Variants in PARD3B observed in about 807,000 individuals in gnomAD.
The protein encoded by PARD3B is par-3 family cell polarity regulator beta, also known as partitioning defective 3 homolog B.
Under a neutral mutation model 130.2 loss-of-function variants are expected in PARD3B, and 103 were observed. The ratio of observed to expected loss-of-function variants is 0.79; its 90% CI spans 0.67 to 0.93. PARD3B has a LOEUF of 0.93. Ranked by LOEUF, PARD3B falls within the 40% of genes least tolerant of loss-of-function variation. The pLI is 0.00. For missense variants in PARD3B, 1,609 were observed against 1,499.2 expected, an observed-to-expected ratio of 1.07 and a Z score of -1.21; for synonymous variants, 583 against 553.2, an observed-to-expected ratio of 1.05 and a Z score of -0.76.
intron 5 of PARD3B, among the ~76,000 whole-genome samples, chr2:205,110,366 A>C (rs1703543462): frequency 6.6e-6 from 1 of 152,210 alleles, no homozygotes; most frequent in Non-Finnish European, 1.5e-5. Flanking sequence ...TCTCATTTTT[A>C]GACCACTGAT....
chr2:204,951,652 TA>T (rs1689782080), intron 2 of PARD3B, among the ~76,000 whole-genome samples: 1 of 152,208 alleles, frequency 6.6e-6, no homozygotes, highest in Non-Finnish European at 1.5e-5. Flanking sequence ...TACCTACATG[TA>T]AATAAAATAA....
At chr2:204,616,819 C>G (rs1329284806) in intron 1 of PARD3B, among the ~76,000 whole-genome samples, 2 of 152,124 alleles carry the variant, frequency 1.3e-5, no homozygotes, top group African/African-American at 4.8e-5. Context: ...GTGTGTGTCT[C>G]TTTGGACTGA....
At chr2:205,378,393 A>AG (rs1296020916) in intron 18 of PARD3B, among the ~76,000 whole-genome samples, 1 of 152,166 alleles carries the variant, frequency 6.6e-6, no homozygotes, top group Non-Finnish European at 1.5e-5. Context: ...CACCTCCCTA[A>AG]GGGAAACAGA....
At chr2:205,478,149 CTA>C (rs1012691382) in intron 20 of PARD3B, among the ~76,000 whole-genome samples, 4 of 152,204 alleles carry the variant, frequency 2.6e-5, no homozygotes, top group Non-Finnish European at 5.9e-5. Context: ...TGAATGGTGT[CTA>C]TGGCTACCTA....
chr2:205,168,412 T>C (rs946488979), intron 11 of PARD3B, among the ~76,000 whole-genome samples: 20 of 152,168 alleles, frequency 1.3e-4, no homozygotes, highest in Non-Finnish European at 2.2e-4. Context: ...AATTCATTTA[T>C]GTAAAGTCAA....
In PARD3B at chr2:205,594,901, A is replaced by G. The variant is rs1002649102; in HGVS notation, c.3261-20555A>G. Among the ~76,000 whole-genome samples the G allele has an allele frequency of 5.7e-4, 87 of 152,364 alleles. 1 individual carries two copies. The highest frequency in any genetic ancestry group is 1.9e-3 in the African/African-American group (81 of 41,598). The stretch of plus-strand genomic sequence containing the variant: ...GCTTGTTCATTCAAGGTCTTTGGAC[A>G]ATCACCTTATACTCCACATAGAAGA... On this transcript the variant is annotated intron_variant, in intron 22 of 22. Coordinates refer to ENST00000406610, the MANE Select transcript of PARD3B (RefSeq NM_001302769.2).
intron 21 of PARD3B, among the ~76,000 whole-genome samples, chr2:205,544,098 A>G (rs1035281505): frequency 6.6e-6 from 1 of 152,150 alleles, no homozygotes; most frequent in Non-Finnish European, 1.5e-5. Context: ...TGACTCATGG[A>G]ATACATCCAT....
intron 16 of PARD3B, among the ~76,000 whole-genome samples, chr2:205,272,081 C>A (rs1311925851): frequency 6.6e-6 from 1 of 151,518 alleles, no homozygotes; most frequent in African/African-American, 2.4e-5. Context: ...TCGTTTGAAC[C>A]CGGGAGGCAG....
chr2:204,560,752 G>T (rs1283110568), intron 1 of PARD3B, among the ~76,000 whole-genome samples: 1 of 152,162 alleles, frequency 6.6e-6, no homozygotes, highest in Non-Finnish European at 1.5e-5. Flanking sequence ...ATTTGGGGCA[G>T]GATGGAGATA....
intron 21 of PARD3B, among the ~76,000 whole-genome samples, chr2:205,520,381 T>C (rs371309393): frequency 2.6e-5 from 4 of 152,144 alleles, no homozygotes; most frequent in African/African-American, 4.8e-5. Context: ...TTGGGTTCTT[T>C]GCTCCTTCAT....
intron 21 of PARD3B, among the ~76,000 whole-genome samples, chr2:205,504,923 A>G (rs935793708): frequency 1.2e-4 from 18 of 152,238 alleles, no homozygotes; most frequent in Admixed American, 6.5e-4. Context: ...TCATGCTGCT[A>G]TAAAGACACA....
intron 2 of PARD3B, among the ~76,000 whole-genome samples, chr2:204,710,426 A>G (rs1022829187): frequency 2.0e-5 from 3 of 152,228 alleles, no homozygotes; most frequent in Non-Finnish European, 4.4e-5. Context: ...CTGGGAGGAA[A>G]TTGTTAGACT....
At chr2:204,670,612 G>A (rs1297643477) in intron 1 of PARD3B, among the ~76,000 whole-genome samples, 1 of 151,876 alleles carries the variant, frequency 6.6e-6, no homozygotes, top group Non-Finnish European at 1.5e-5. Context: ...ATCTGATTAA[G>A]GTAGTTGAAA....
chr2:205,184,239 C>G (rs1336338148), intron 13 of PARD3B, among the ~76,000 whole-genome samples: 1 of 152,100 alleles, frequency 6.6e-6, no homozygotes, highest in Non-Finnish European at 1.5e-5. Flanking sequence ...ACCATCATAT[C>G]CAGCACGTGG....
intron 18 of PARD3B, among the ~76,000 whole-genome samples, chr2:205,380,040 C>A (rs1481384994): frequency 7.1e-6 from 1 of 141,672 alleles, no homozygotes; most frequent in Non-Finnish European, 1.5e-5. Flanking sequence ...TGCACTCCAG[C>A]CTGGGCGACA....
intron 2 of PARD3B, among the ~76,000 whole-genome samples, chr2:204,750,909 A>G (rs1297521331): frequency 6.6e-6 from 1 of 152,140 alleles, no homozygotes; most frequent in African/African-American, 2.4e-5. Flanking sequence ...TAAAAATGTA[A>G]ACCATCCTTA....
chr2:204,926,009 TG>T (rs2125763910), intron 2 of PARD3B, among the ~76,000 whole-genome samples: 1 of 141,422 alleles, frequency 7.1e-6, no homozygotes, highest in Non-Finnish European at 1.6e-5. Context: ...CATGTGGAAC[TG>T]TGAGTCAATT....
intron 19 of PARD3B, among the ~76,000 whole-genome samples, chr2:205,411,422 A>G (rs910177982): frequency 3.9e-5 from 6 of 152,290 alleles, no homozygotes; most frequent in Non-Finnish European, 7.4e-5. Flanking sequence ...AAGGCCCAGG[A>G]GTGGGTTAAA....
intron 2 of PARD3B, among the ~76,000 whole-genome samples, chr2:204,871,061 G>A (rs986285730): frequency 2.6e-5 from 4 of 151,834 alleles, no homozygotes; most frequent in African/African-American, 9.7e-5. Context: ...TCATATATTG[G>A]GACATTAAAG....
Sources: gnomAD v4.1 joint callset for allele counts (sites outside exome capture counted in the v4.1 genomes callset) on GRCh38, gnomAD v4.1.1 for gene constraint, MANE v1.5 for transcripts, NCBI Gene and HGNC (gene_info 2026-07-23, HGNC 2026-07-21) for gene names.